Variants in CD2AP observed in about 807,000 individuals in gnomAD.
CD2AP encodes the protein CD2-associated protein.
CD2AP carries 46 observed loss-of-function variants against 85.1 expected under a neutral mutation model. That is an observed-to-expected ratio of 0.54 (90% CI 0.43 to 0.69). CD2AP has a LOEUF of 0.69. Ranked by LOEUF, CD2AP falls within the 30% of genes least tolerant of loss-of-function variation. The probability of loss-of-function intolerance (pLI) is 0.00; values close to 1 mark genes in which losing one functional copy is unlikely to be tolerated. For missense variants in CD2AP, 769 were observed against 729.5 expected, an observed-to-expected ratio of 1.05 and a Z score of -0.62; for synonymous variants, 255 against 252.9, an observed-to-expected ratio of 1.01 and a Z score of -0.08.
chr6:47,599,218 A>C (rs1769038117), intron 12 of CD2AP, 83 bp from the exon 13 acceptor site: 1 of 1,194,636 alleles, frequency 8.4e-7, no homozygotes, highest in African/African-American at 1.5e-5. Flanking sequence ...TAGGCCATAC[A>C]ATCTTTAATG....
At chr6:47,504,809 C>T (rs189434360) in intron 2 of CD2AP, among the ~76,000 whole-genome samples, 101 of 152,144 alleles carry the variant, frequency 6.6e-4, no homozygotes, top group African/African-American at 2.3e-3. Context: ...GTTATGTTTA[C>T]ATTATACTGT....
chr6:47,499,787 G>A (rs1765954726), intron 1 of CD2AP, among the ~76,000 whole-genome samples: 1 of 152,148 alleles, frequency 6.6e-6, no homozygotes, highest in Admixed American at 6.5e-5. Flanking sequence ...CTGTCGCAGT[G>A]GCACGACCTC....
chr6:47,576,722 T>A, intron 7 of CD2AP, 120 bp downstream of exon 7: 1 of 799,074 alleles, frequency 1.3e-6, no homozygotes, highest in Admixed American at 2.0e-5. Context: ...CTATTAGATG[T>A]AAGCACCATG....
intron 2 of CD2AP, among the ~76,000 whole-genome samples, chr6:47,512,804 G>T (rs1235554638): frequency 6.6e-6 from 1 of 152,202 alleles, no homozygotes; most frequent in Non-Finnish European, 1.5e-5. Flanking sequence ...TTCTTAAGTT[G>T]TATGTATCCT....
At chr6:47,619,388 C>A (rs1769684778) in intron 17 of CD2AP, among the ~76,000 whole-genome samples, 1 of 152,226 alleles carries the variant, frequency 6.6e-6, no homozygotes, top group East Asian at 1.9e-4. Context: ...CAGGTCACTG[C>A]AGATGCTGTT....
At chr6:47,599,976 T>C (rs576062130) in intron 13 of CD2AP, among the ~76,000 whole-genome samples, 799 of 73,620 alleles carry the variant, frequency 0.011, 6 homozygotes, top group Non-Finnish European at 0.025. Flanking sequence ...GTACTTCCTG[T>C]TTTTTTTTTA....
chr6:47,597,473 C>A (rs1200725005), intron 12 of CD2AP, among the ~76,000 whole-genome samples: 1 of 150,618 alleles, frequency 6.6e-6, no homozygotes, highest in Non-Finnish European at 1.5e-5. Context: ...AGGCCCAGGC[C>A]CAGGTGAGTG....
intron 4 of CD2AP, among the ~76,000 whole-genome samples, chr6:47,546,824 C>T (rs1281355121): frequency 1.3e-5 from 2 of 152,166 alleles, no homozygotes; most frequent in Non-Finnish European, 2.9e-5. Context: ...AAATTAACAG[C>T]AGATTTCTCA....
chr6:47,621,729 T>C (rs1015942911), intron 17 of CD2AP, among the ~76,000 whole-genome samples: 4 of 152,200 alleles, frequency 2.6e-5, no homozygotes, highest in Admixed American at 6.5e-5. Context: ...CTGCTTCTTA[T>C]TGGCCTGTTC....
At chr6:47,528,574 T>C (rs1207303878) in intron 2 of CD2AP, among the ~76,000 whole-genome samples, 1 of 152,240 alleles carries the variant, frequency 6.6e-6, no homozygotes, top group Non-Finnish European at 1.5e-5. Flanking sequence ...TTACCAGTTG[T>C]AAATAGTAGT....
intron 1 of CD2AP, among the ~76,000 whole-genome samples, chr6:47,494,584 G>A (rs937348565): frequency 5.9e-5 from 9 of 152,050 alleles, no homozygotes; most frequent in African/African-American, 1.9e-4. Context: ...GTTGTATTTC[G>A]CAGTGGTTAC....
chr6:47,539,086 T>A lies in CD2AP; in HGVS notation c.319+5331T>A, dbSNP rs1465148506. 2.0e-5 allele frequency among the ~76,000 whole-genome samples: 3 copies of A among 152,284 alleles called. No individual in the cohort carries two copies. The East Asian group carries it at 5.8e-4, about 29-fold the overall frequency. On this transcript the variant is annotated intron_variant, in intron 3 of 17. Coordinates refer to ENST00000359314, the MANE Select transcript of CD2AP (RefSeq NM_012120.3). ...TAAATCTGCCACATAAAGCTGGGTA[T>A]GGAGGATGATTCAGAATTCACAGTC...
intron 1 of CD2AP, among the ~76,000 whole-genome samples, chr6:47,481,870 T>C (rs1250478913): frequency 1.3e-5 from 2 of 152,206 alleles, no homozygotes; most frequent in East Asian, 3.9e-4. Context: ...CCTCAAACTC[T>C]TGCCTCTGCT....
chr6:47,513,741 C>CT (rs1252383134), intron 2 of CD2AP, among the ~76,000 whole-genome samples: 1 of 151,668 alleles, frequency 6.6e-6, no homozygotes, highest in African/African-American at 2.4e-5. Context: ...CAGTAAACAT[C>CT]TTTTTTGGGG....
chr6:47,501,668 G>C (rs1170369185), intron 1 of CD2AP, among the ~76,000 whole-genome samples: 1 of 129,140 alleles, frequency 7.7e-6, no homozygotes, highest in Non-Finnish European at 1.7e-5. Context: ...GGTTGTTGGT[G>C]TGTGTGTGTG....
At chr6:47,565,949 C>G (rs1767981830) in intron 5 of CD2AP, among the ~76,000 whole-genome samples, 1 of 151,994 alleles carries the variant, frequency 6.6e-6, no homozygotes, top group Non-Finnish European at 1.5e-5. Flanking sequence ...TCCCCATATC[C>G]CTCCCTCCAC....
intron 17 of CD2AP, among the ~76,000 whole-genome samples, chr6:47,613,928 G>A (rs1032380694): frequency 3.3e-5 from 5 of 152,144 alleles, no homozygotes; most frequent in Admixed American, 3.3e-4. Context: ...CCACTTTTAT[G>A]TCATGGAGAT....
At chr6:47,544,536 G>A in intron 3 of CD2AP, 70 bp from the exon 4 acceptor site, 1 of 949,912 alleles carries the variant, frequency 1.1e-6, no homozygotes, top group East Asian at 2.4e-5. Flanking sequence ...GACTAAACAT[G>A]GCATGTAAAT....
chr6:47,623,075 CTTG>C (rs1482424609), intron 17 of CD2AP, among the ~76,000 whole-genome samples: 2 of 152,172 alleles, frequency 1.3e-5, no homozygotes, highest in African/African-American at 2.4e-5. Context: ...TGAAGACAGG[CTTG>C]TTGTAGTCCA....
Sources: allele counts gnomAD v4.1 joint callset (sites outside exome capture counted in the v4.1 genomes callset), GRCh38; gene constraint gnomAD v4.1.1; transcripts MANE v1.5; gene names NCBI Gene and HGNC (gene_info 2026-07-23, HGNC 2026-07-21).